Variants in GALK2 observed in about 807,000 individuals in gnomAD.
The protein encoded by GALK2 is N-acetylgalactosamine kinase.
Under a neutral mutation model 52.4 loss-of-function variants are expected in GALK2, and 36 were observed. The ratio of observed to expected loss-of-function variants is 0.69; its 90% confidence interval spans 0.53 to 0.91. GALK2 has a LOEUF of 0.91. GALK2 is among the 40% of genes least tolerant of loss of function. The pLI, the probability that GALK2 is intolerant of heterozygous loss-of-function variation, is 0.00. For missense variants in GALK2, 579 were observed against 559.1 expected (o/e 1.04, Z -0.36); for synonymous variants, 176 against 199.1 (o/e 0.88, Z 0.98).
chr15:49,319,914 T>C, intron 9 of GALK2, 109 bp downstream of exon 9: 2 of 914,444 alleles, frequency 2.2e-6, no homozygotes, highest in Non-Finnish European at 3.3e-6. Context: ...CATTCCCCAC[T>C]TCCTATATGA....
At chr15:49,168,170 T>G (rs2084884081), upstream of GALK2, among the ~76,000 whole-genome samples, 2 of 152,210 alleles carry the variant, frequency 1.3e-5, no homozygotes, top group South Asian at 4.1e-4. Context: ...TGCATCGGTT[T>G]TGTTGAGACT....
intron 9 of GALK2, among the ~76,000 whole-genome samples, chr15:49,320,810 A>G (rs1201045928): frequency 6.6e-6 from 1 of 152,228 alleles, no homozygotes; most frequent in African/African-American, 2.4e-5. Context: ...CTTTTCTGAA[A>G]ATATCAAGGG....
At chr15:49,210,430 A>G (rs1471720135) in intron 2 of GALK2, among the ~76,000 whole-genome samples, 1 of 148,880 alleles carries the variant, frequency 6.7e-6, no homozygotes, top group Non-Finnish European at 1.5e-5. Context: ...ATTTTATTTT[A>G]TTTTATTTTA....
At chr15:49,319,145 G>T (rs555366174) in intron 8 of GALK2, 9 of 358,724 alleles carry the variant, frequency 2.5e-5, no homozygotes, top group Admixed American at 1.9e-4. Context: ...GTAGAGATGG[G>T]TTTTCACCAT....
At chr15:49,338,983 C>A (rs974991900) in intron 3 of GALK2, among the ~76,000 whole-genome samples, 19 of 152,152 alleles carry the variant, frequency 1.2e-4, no homozygotes, top group African/African-American at 2.4e-4. Context: ...TCCGTCAGGT[C>A]ACTTATGTTC....
chr15:49,211,110 A>T (rs1450279453), intron 2 of GALK2, among the ~76,000 whole-genome samples: 1 of 152,044 alleles, frequency 6.6e-6, no homozygotes, highest in Non-Finnish European at 1.5e-5. Context: ...TTCTTTGCTT[A>T]TGCATAAGAG....
chr15:49,334,209 G>A, downstream of GALK2: 1 of 975,700 alleles, frequency 1.0e-6, no homozygotes, highest in African/African-American at 1.8e-5. Flanking sequence ...AGCTGAATAA[G>A]AGACAAACCT....
At chr15:49,305,704 G>A (rs1454860841) in intron 8 of GALK2, among the ~76,000 whole-genome samples, 1 of 152,148 alleles carries the variant, frequency 6.6e-6, no homozygotes, top group Non-Finnish European at 1.5e-5. Flanking sequence ...AAAAGGGAAG[G>A]GGGACAGAGA....
intron 7 of GALK2, among the ~76,000 whole-genome samples, chr15:49,288,343 G>A (rs1172434736): frequency 6.6e-6 from 1 of 152,160 alleles, no homozygotes; most frequent in Non-Finnish European, 1.5e-5. Flanking sequence ...GAGAAGCAGT[G>A]AAAGAGAGAG....
At chr15:49,204,536 C>G (rs8031244) in intron 2 of GALK2, among the ~76,000 whole-genome samples, 63 of 152,062 alleles carry the variant, frequency 4.1e-4, no homozygotes, top group African/African-American at 1.5e-3. Context: ...TTTCATTGTA[C>G]AGGTCTTTTA....
intron 3 of GALK2, among the ~76,000 whole-genome samples, chr15:49,355,284 A>T (rs2042950995): frequency 6.6e-6 from 1 of 152,206 alleles, no homozygotes; most frequent in African/African-American, 2.4e-5. Flanking sequence ...AGACTATCAA[A>T]TTACTCTGAG....
rs1595877511 is a variant in GALK2 at position 49,173,685 on chromosome 15, C to T, written c.53+3310C>T. On this transcript the variant is annotated intron_variant, in intron 1 of 9. Coordinates refer to ENST00000560031, the MANE Select transcript of GALK2 (RefSeq NM_002044.4). ...TTGTTTTTTTTTACTTACTTTTTTT[C>T]ACTTAATCTTTCTCAGATATCTGGT... 2.0e-5 allele frequency among the ~76,000 whole-genome samples: 3 copies of T among 151,592 alleles called. No individual in the cohort carries two copies. In the South Asian group the frequency reaches 6.2e-4, roughly 31 times the overall value.
chr15:49,247,025 T>C (rs900747947), intron 5 of GALK2, among the ~76,000 whole-genome samples: 1 of 152,040 alleles, frequency 6.6e-6, no homozygotes, highest in Admixed American at 6.5e-5. Flanking sequence ...AGCTAGGCCG[T>C]AGTTAAGGGA....
chr15:49,176,749 T>C (rs1025676574), intron 1 of GALK2, among the ~76,000 whole-genome samples: 1 of 152,134 alleles, frequency 6.6e-6, no homozygotes, highest in Non-Finnish European at 1.5e-5. Flanking sequence ...TTATTTAGGG[T>C]TTTTCTATCT....
At chr15:49,269,112 G>A (rs1422689138) in intron 5 of GALK2, among the ~76,000 whole-genome samples, 3 of 152,140 alleles carry the variant, frequency 2.0e-5, no homozygotes, top group South Asian at 4.1e-4. Flanking sequence ...AGGTTTTCTA[G>A]GTCAGCTTTT....
intron 5 of GALK2, among the ~76,000 whole-genome samples, chr15:49,248,550 G>A (rs1237749682): frequency 2.6e-5 from 4 of 152,208 alleles, no homozygotes; most frequent in African/African-American, 9.6e-5. Flanking sequence ...GGAAGCTATA[G>A]TGTTAGCTCT....
In GALK2 at chr15:49,292,414, AT is replaced by A; in HGVS notation, c.845del (p.Met282SerfsTer35). On this transcript the variant is annotated frameshift_variant, in exon 8 of 10. Transcript: ENST00000560031. LOFTEE classifies it high-confidence loss of function. ...QAKLGISLEE[M>X]LLVTEDALHP... ...TAAACTAGGGATTAGTCTAGAAGAA[AT>A]GCTGTTGGTCACAGAAGATGCCCTT... is the stretch of plus-strand genomic sequence containing the variant. 6.2e-7 allele frequency: 1 copy of A among 1,614,076 alleles called. No individual in the cohort carries two copies. The highest frequency in any genetic ancestry group is 8.5e-7 in the Non-Finnish European group (1 of 1,179,962).
At chr15:49,194,782 A>G (rs1367808552) in intron 1 of GALK2, among the ~76,000 whole-genome samples, 2 of 151,496 alleles carry the variant, frequency 1.3e-5, no homozygotes, top group Non-Finnish European at 1.5e-5. Context: ...TATACTAGAT[A>G]CAGGGTTTCT....
intron 9 of GALK2, among the ~76,000 whole-genome samples, chr15:49,322,649 C>G (rs2036974867): frequency 6.6e-6 from 1 of 152,114 alleles, no homozygotes; most frequent in Non-Finnish European, 1.5e-5. Flanking sequence ...AGTCTATTCT[C>G]TACTTTCAAA....
Sources: gnomAD v4.1 joint callset for allele counts (sites outside exome capture counted in the v4.1 genomes callset) on GRCh38, gnomAD v4.1.1 for gene constraint, MANE v1.5 for transcripts, NCBI Gene and HGNC (gene_info 2026-07-23, HGNC 2026-07-21) for gene names.